The following SNX29 variants were observed in gnomAD, a reference collection of about 807,000 sequenced individuals.
SNX29 encodes sorting nexin-29.
In SNX29, 78 loss-of-function variants were observed where a neutral mutation model predicts 102.1. The ratio of observed to expected loss-of-function variants is 0.76; its 90% confidence interval spans 0.64 to 0.92. The LOEUF is 0.92. SNX29 is among the 40% of genes least tolerant of loss of function. The pLI is 0.00. For synonymous variants in SNX29, 580 were observed against 414.5 expected (o/e 1.40, Z -4.85); for missense variants, 1,280 against 1,061.7 (o/e 1.21, Z -2.86).
chr16:12,447,190 A>G (rs1385312480), intron 18 of SNX29, among the ~76,000 whole-genome samples: 2 of 150,282 alleles, frequency 1.3e-5, no homozygotes, highest in East Asian at 1.9e-4. Context: ...AAAAAAAAAA[A>G]AAAAAAAGTA....
Position 12,048,578 on chromosome 16 carries a change from G to C in SNX29, c.706G>C (p.Glu236Gln), listed in dbSNP as rs2050180994. 1 of 1,613,954 alleles carries C rather than the reference G, an allele frequency of 6.2e-7. No homozygotes were observed. Among genetic ancestry groups the C allele is most frequent in the Non-Finnish European group, 8.5e-7 (1 of 1,179,878 alleles). The change falls in exon 7 of 21, where the codon GAG becomes CAG. Residue 236 changes from glutamate (E) to glutamine (Q), a missense_variant. Physicochemically the swap from Glu to Gln is conservative, Grantham distance 29. Transcript: ENST00000566228. ...AVSILIKPEQ[E>Q]TDPLPVVSRN... ...CTCCATCCTCATCAAACCTGAACAGGAGACCGACCCCTTGCCTGTCGTGTC... is the reference window on the plus strand; with the variant it reads ...CTCCATCCTCATCAAACCTGAACAGCAGACCGACCCCTTGCCTGTCGTGTC...
At chr16:12,043,896 G>A (rs1185206701) in intron 5 of SNX29, among the ~76,000 whole-genome samples, 1 of 152,232 alleles carries the variant, frequency 6.6e-6, no homozygotes, top group Middle Eastern at 3.4e-3. Context: ...GGGATTACAG[G>A]CCTGTGCCAC....
chr16:12,550,284 C>T (rs548247241), intron 20 of SNX29, among the ~76,000 whole-genome samples: 1 of 152,294 alleles, frequency 6.6e-6, no homozygotes, highest in Admixed American at 6.5e-5. Context: ...TACCTGTAAT[C>T]CCAGTACTGT....
chr16:12,207,075 C>T (rs901728037), intron 14 of SNX29, among the ~76,000 whole-genome samples: 5 of 152,006 alleles, frequency 3.3e-5, no homozygotes, highest in Non-Finnish European at 7.4e-5. Flanking sequence ...TGAGTTAAGA[C>T]CTGGGAGGCT....
intron 12 of SNX29, among the ~76,000 whole-genome samples, chr16:12,128,349 G>T (rs1330400998): frequency 6.6e-6 from 1 of 152,144 alleles, no homozygotes; most frequent in East Asian, 1.9e-4. Context: ...GGAGCCCCAG[G>T]CCCCAAGAGG....
intron 11 of SNX29, among the ~76,000 whole-genome samples, chr16:12,111,202 G>A (rs1221486407): frequency 6.6e-6 from 1 of 152,124 alleles, no homozygotes; most frequent in Non-Finnish European, 1.5e-5. Context: ...CAGCAGGATG[G>A]TGGTTTATCT....
At chr16:12,537,275 C>G (rs961405442) in intron 20 of SNX29, among the ~76,000 whole-genome samples, 3 of 152,206 alleles carry the variant, frequency 2.0e-5, no homozygotes, top group African/African-American at 7.2e-5. Context: ...CCTCAGGAAA[C>G]TGGTTAGTGT....
intron 15 of SNX29, among the ~76,000 whole-genome samples, chr16:12,346,669 G>T (rs1195063854): frequency 6.6e-6 from 1 of 152,208 alleles, no homozygotes; most frequent in Non-Finnish European, 1.5e-5. Context: ...ACACCTTTCA[G>T]CAGAGGGCTG....
intron 18 of SNX29, among the ~76,000 whole-genome samples, chr16:12,457,696 C>G (rs565574272): frequency 1.3e-5 from 2 of 152,324 alleles, no homozygotes; most frequent in East Asian, 3.9e-4. Flanking sequence ...TAGCCTCTGC[C>G]GTGGTGCTTT....
chr16:12,520,632 A>G (rs570940055), intron 19 of SNX29, among the ~76,000 whole-genome samples: 1 of 152,352 alleles, frequency 6.6e-6, no homozygotes, highest in South Asian at 2.1e-4. Flanking sequence ...AAGGAACGAA[A>G]TCATGTCTTT....
chr16:12,535,035 A>G (rs1323132374), intron 20 of SNX29, among the ~76,000 whole-genome samples: 2 of 152,202 alleles, frequency 1.3e-5, no homozygotes, highest in Non-Finnish European at 2.9e-5. Flanking sequence ...GTTGGGTCTT[A>G]TAAAACCAGC....
intron 20 of SNX29, among the ~76,000 whole-genome samples, chr16:12,554,415 T>A (rs76216803): frequency 6.6e-6 from 1 of 152,206 alleles, no homozygotes; most frequent in African/African-American, 2.4e-5. Context: ...TCTTCTGTAA[T>A]GTCAGCGTGT....
intron 14 of SNX29, among the ~76,000 whole-genome samples, chr16:12,247,363 A>G (rs1347699850): frequency 6.6e-6 from 1 of 152,230 alleles, no homozygotes; most frequent in Non-Finnish European, 1.5e-5. Context: ...TTCCTCCTGT[A>G]GCCTTTCTTC....
chr16:12,253,022 G>A (rs1239237021), intron 14 of SNX29, among the ~76,000 whole-genome samples: 2 of 152,206 alleles, frequency 1.3e-5, no homozygotes, highest in Non-Finnish European at 2.9e-5. Context: ...GACCCAGATA[G>A]AGAAGCTATT....
chr16:12,553,172 C>T (rs746926020), intron 20 of SNX29, among the ~76,000 whole-genome samples: 8 of 152,144 alleles, frequency 5.3e-5, no homozygotes, highest in Non-Finnish European at 1.2e-4. Flanking sequence ...ATTTTTGGAT[C>T]TTTAAGTCAG....
chr16:12,367,706 C>G (rs1394581692), intron 16 of SNX29, among the ~76,000 whole-genome samples: 1 of 152,214 alleles, frequency 6.6e-6, no homozygotes, highest in African/African-American at 2.4e-5. Flanking sequence ...AGCTAATGAT[C>G]AAGTACCAAA....
At chr16:12,441,561 C>T (rs1157014437) in intron 18 of SNX29, among the ~76,000 whole-genome samples, 2 of 152,124 alleles carry the variant, frequency 1.3e-5, no homozygotes, top group African/African-American at 4.8e-5. Context: ...GTCTTCAGTT[C>T]TCCCGTTTTG....
chr16:12,414,169 CTG>C (rs762040064), intron 18 of SNX29, among the ~76,000 whole-genome samples: 2 of 152,178 alleles, frequency 1.3e-5, no homozygotes, highest in East Asian at 1.9e-4. Flanking sequence ...TCGGTTGAAT[CTG>C]TGGATGCAGA....
At chr16:12,089,103 GA>G (rs2052366501) in intron 11 of SNX29, among the ~76,000 whole-genome samples, 2 of 150,116 alleles carry the variant, frequency 1.3e-5, no homozygotes, top group East Asian at 2.0e-4. Context: ...AAGAAAGAAA[GA>G]GAGGAGAGAG....
Sources: allele counts gnomAD v4.1 joint callset (sites outside exome capture counted in the v4.1 genomes callset), GRCh38; gene constraint gnomAD v4.1.1; transcripts MANE v1.5; gene names NCBI Gene and HGNC (gene_info 2026-07-23, HGNC 2026-07-21).